ENTREP2: variants seen among roughly 807,000 people sequenced by gnomAD.
The protein encoded by ENTREP2 is protein ENTREP2.
At chr15:29,386,764 G>A in the ENTREP2 span, among the ~76,000 whole-genome samples, 1 of 152,112 alleles carries the variant, frequency 6.6e-6, no homozygotes, top group East Asian at 1.9e-4. Context: ...CACGCTCTCC[G>A]CACACACACA....
At chr15:29,640,873 A>T in the ENTREP2 span, among the ~76,000 whole-genome samples, 1 of 152,132 alleles carries the variant, frequency 6.6e-6, no homozygotes, top group Non-Finnish European at 1.5e-5. Flanking sequence ...ATATCACAAG[A>T]AGAGAAAACT....
At chr15:29,324,764 A>G in the ENTREP2 span, among the ~76,000 whole-genome samples, 2 of 152,208 alleles carry the variant, frequency 1.3e-5, no homozygotes, top group African/African-American at 4.8e-5. Context: ...ATGAGGCAAA[A>G]ACTGACAGAA....
the ENTREP2 span, among the ~76,000 whole-genome samples, chr15:29,626,372 A>G: frequency 6.6e-6 from 1 of 152,130 alleles, no homozygotes; most frequent in African/African-American, 2.4e-5. Context: ...AATAAGTCTC[A>G]TGAGATTTGA....
the ENTREP2 span, among the ~76,000 whole-genome samples, chr15:29,256,645 G>A: frequency 6.6e-6 from 1 of 152,104 alleles, no homozygotes; most frequent in East Asian, 1.9e-4. Flanking sequence ...ATGTGGTTAC[G>A]CTACTGATCA....
the ENTREP2 span, among the ~76,000 whole-genome samples, chr15:29,524,785 A>G: frequency 6.6e-6 from 1 of 152,240 alleles, no homozygotes; most frequent in Non-Finnish European, 1.5e-5. Flanking sequence ...CAGCGAGCGA[A>G]AGCTCAGCTC....
chr15:29,428,118 G>A, the ENTREP2 span, among the ~76,000 whole-genome samples: 3 of 152,148 alleles, frequency 2.0e-5, no homozygotes, highest in Non-Finnish European at 4.4e-5. Flanking sequence ...AGAATCATTG[G>A]GGAAAAATAC....
At chr15:29,577,811 A>G in the ENTREP2 span, among the ~76,000 whole-genome samples, 2 of 152,220 alleles carry the variant, frequency 1.3e-5, no homozygotes, top group African/African-American at 4.8e-5. Flanking sequence ...ACATTAGGCT[A>G]AGTGAAATAA....
chr15:29,411,896 G>A, the ENTREP2 span, among the ~76,000 whole-genome samples: 5 of 152,132 alleles, frequency 3.3e-5, no homozygotes, highest in African/African-American at 9.7e-5. Flanking sequence ...GCCCTGCATC[G>A]TTTCATATAT....
chr15:29,294,240 T>C, the ENTREP2 span, among the ~76,000 whole-genome samples: 8 of 152,192 alleles, frequency 5.3e-5, no homozygotes, highest in East Asian at 1.5e-3. Context: ...GGAAGCAGCG[T>C]TATTGAAAGG....
the ENTREP2 span, among the ~76,000 whole-genome samples, chr15:29,634,519 A>G: frequency 6.6e-6 from 1 of 152,172 alleles, no homozygotes; most frequent in African/African-American, 2.4e-5. Context: ...CTATGGCCAA[A>G]TGTGCAGGGA....
the ENTREP2 span, among the ~76,000 whole-genome samples, chr15:29,196,154 T>A: frequency 2.0e-5 from 3 of 152,294 alleles, no homozygotes. Flanking sequence ...CATCATCATT[T>A]GTAAAGACCT....
At chr15:29,635,053 C>T in the ENTREP2 span, among the ~76,000 whole-genome samples, 1 of 152,088 alleles carries the variant, frequency 6.6e-6, no homozygotes, top group African/African-American at 2.4e-5. Flanking sequence ...CCGTGTTAGC[C>T]AGGATGGTCT....
the ENTREP2 span, among the ~76,000 whole-genome samples, chr15:29,479,276 G>A: frequency 1.3e-5 from 2 of 151,524 alleles, no homozygotes; most frequent in South Asian, 2.1e-4. Context: ...CATGGTATGC[G>A]GTTGCTCCTG....
chr15:29,223,351 G>A, the ENTREP2 span, among the ~76,000 whole-genome samples: 1 of 152,128 alleles, frequency 6.6e-6, no homozygotes, highest in Admixed American at 6.5e-5. Flanking sequence ...TTGGCTCCCG[G>A]CAGCCTCTGG....
At chr15:29,652,981 G>A in the ENTREP2 span, among the ~76,000 whole-genome samples, 6 of 152,084 alleles carry the variant, frequency 3.9e-5, no homozygotes, top group African/African-American at 1.4e-4. Context: ...ACACCCAAAA[G>A]ATCCCATAAG....
the ENTREP2 span, among the ~76,000 whole-genome samples, chr15:29,472,680 G>C: frequency 5.3e-5 from 8 of 152,184 alleles, no homozygotes; most frequent in South Asian, 1.7e-3. Flanking sequence ...GGCCAGGCTG[G>C]TCTCTAACTC....
chr15:29,135,631 C>T, the ENTREP2 span, among the ~76,000 whole-genome samples: 13 of 152,172 alleles, frequency 8.5e-5, no homozygotes, highest in Non-Finnish European at 1.8e-4. The surrounding 1 kb of genome is among the most constrained non-coding windows in gnomAD (Gnocchi z 7.4). Flanking sequence ...CATCCCATTT[C>T]GTCCCATAAC....
At chr15:29,551,270 G>A in the ENTREP2 span, among the ~76,000 whole-genome samples, 1 of 152,172 alleles carries the variant, frequency 6.6e-6, no homozygotes, top group African/African-American at 2.4e-5. Flanking sequence ...CACAAGCAGG[G>A]TAGGCAGCAG....
the ENTREP2 span, among the ~76,000 whole-genome samples, chr15:29,475,594 G>C: frequency 1.3e-5 from 2 of 152,308 alleles, no homozygotes; most frequent in South Asian, 4.1e-4. Flanking sequence ...AGGGGGCAGT[G>C]CTGGGCAAAA....
Sources: gnomAD v4.1 joint callset for allele counts (sites outside exome capture counted in the v4.1 genomes callset) on GRCh38, gnomAD v4.1.1 for gene constraint, Gnocchi (gnomAD v3.1) non-coding constraint, MANE v1.5 for transcripts, NCBI Gene and HGNC (gene_info 2026-07-23, HGNC 2026-07-21) for gene names.